The following TXNRD2 variants were observed in gnomAD, a reference collection of about 807,000 sequenced individuals.
TXNRD2 encodes the protein thioredoxin reductase 2.
A neutral mutation model predicts 70.8 loss-of-function variants in TXNRD2; 67 were observed. The observed-to-expected ratio is 0.95, with a 90% CI of 0.78 to 1.16. TXNRD2 has a LOEUF of 1.16. Ranked by LOEUF, TXNRD2 falls within the 50% of genes most tolerant of loss-of-function variation. The pLI is 0.00. For missense variants in TXNRD2, 644 were observed against 719.9 expected, an observed-to-expected ratio of 0.89 and a Z score of 1.21; for synonymous variants, 301 against 295.8, an observed-to-expected ratio of 1.02 and a Z score of -0.18.
At chr22:19,936,912 G>C (rs1445526115) in intron 1 of TXNRD2, among the ~76,000 whole-genome samples, 2 of 152,152 alleles carry the variant, frequency 1.3e-5, no homozygotes, top group Admixed American at 6.5e-5. Context: ...GGCTTATTCG[G>C]TCATGCTGGA....
At chr22:19,898,774 A>G (rs1939637533) in intron 9 of TXNRD2, among the ~76,000 whole-genome samples, 1 of 151,980 alleles carries the variant, frequency 6.6e-6, no homozygotes, top group African/African-American at 2.4e-5. Flanking sequence ...TTCTGAAGCA[A>G]TGGGTCCAGG....
At chr22:19,900,616 G>A (rs948853802) in intron 8 of TXNRD2, among the ~76,000 whole-genome samples, 2 of 152,136 alleles carry the variant, frequency 1.3e-5, no homozygotes, top group African/African-American at 4.8e-5. Context: ...TGAGCATGGC[G>A]ATGTGCGCCT....
At chr22:19,913,945 T>A (rs73880010) in intron 7 of TXNRD2, among the ~76,000 whole-genome samples, 5,215 of 152,170 alleles carry the variant, frequency 0.034, 126 homozygotes, top group South Asian at 0.086. Context: ...GCCACATACA[T>A]CAAAGAATAA....
intron 14 of TXNRD2, among the ~76,000 whole-genome samples, chr22:19,879,390 C>T (rs757673980): frequency 5.6e-4 from 86 of 152,298 alleles, no homozygotes; most frequent in Non-Finnish European, 9.4e-4. Flanking sequence ...GCCCGGCAGG[C>T]TTCAGAGCCC....
At chr22:19,883,553 A>G (rs1938885986) in intron 11 of TXNRD2, 92 bp from the exon 12 acceptor site, 12 of 1,582,258 alleles carry the variant, frequency 7.6e-6, no homozygotes, top group Non-Finnish European at 1.0e-5. Flanking sequence ...ATGTCCACTT[A>G]GAGACCGGGT....
At chr22:19,909,839 C>CA (rs1940293672) in intron 8 of TXNRD2, among the ~76,000 whole-genome samples, 2 of 45,334 alleles carry the variant, frequency 4.4e-5, no homozygotes, top group African/African-American at 1.8e-4. Context: ...CCACACACAC[C>CA]CACACCCTTC....
rs1940957147 is a variant in TXNRD2 at position 19,922,586 on chromosome 22, TC to T, written c.173-2988del. Among the ~76,000 whole-genome samples, 3 of 152,240 alleles carry T rather than the reference TC, an allele frequency of 2.0e-5. No homozygotes were observed. In the East Asian group the frequency reaches 5.8e-4, roughly 29 times the overall value. ...CTTACTCCCTACCAAAAGTTCTCTCTCCTTCGACTCCAGGGTGGTTTTATAA... is the reference window on the plus strand; with the variant it reads ...CTTACTCCCTACCAAAAGTTCTCTCTCTTCGACTCCAGGGTGGTTTTATAA... On this transcript the variant is annotated intron_variant, in intron 2 of 17. Transcript: ENST00000400521.
At chr22:19,885,329 C>G (rs531093630) in intron 11 of TXNRD2, among the ~76,000 whole-genome samples, 1 of 152,214 alleles carries the variant, frequency 6.6e-6, no homozygotes, top group Non-Finnish European at 1.5e-5. Context: ...AGCTGCTGGC[C>G]GGTATGCGGG....
Position 19,933,079 on chromosome 22 carries a change from C to T in TXNRD2, c.104-1981G>A, listed in dbSNP as rs1296256849. On this transcript the variant is annotated intron_variant, in intron 1 of 17. Transcript: ENST00000400521. ...GGGAAGCTGCATCCAGGCACTCAGG[C>T]CATGGCCTGCAGCGAGCCTGCCCCA... Among the ~76,000 whole-genome samples, 5 of 152,230 alleles carry T rather than the reference C, an allele frequency of 3.3e-5. No homozygotes were observed. In the East Asian group the frequency reaches 7.7e-4, roughly 23 times the overall value.
chr22:19,910,765 G>A (rs1940369872), intron 8 of TXNRD2, among the ~76,000 whole-genome samples: 1 of 152,034 alleles, frequency 6.6e-6, no homozygotes, highest in South Asian at 2.1e-4. Flanking sequence ...ACAGTACTAT[G>A]CTCGGTTAAT....
At chr22:19,905,773 A>C (rs1037397274) in intron 8 of TXNRD2, among the ~76,000 whole-genome samples, 5 of 152,086 alleles carry the variant, frequency 3.3e-5, no homozygotes, top group African/African-American at 1.2e-4. Flanking sequence ...AGAACTCAGG[A>C]CGCCGAGTGA....
intron 2 of TXNRD2, among the ~76,000 whole-genome samples, chr22:19,928,159 A>T (rs914505638): frequency 6.6e-6 from 1 of 152,112 alleles, no homozygotes; most frequent in Non-Finnish European, 1.5e-5. Flanking sequence ...AAATGCTGCT[A>T]AAAGAAATGA....
intron 2 of TXNRD2, among the ~76,000 whole-genome samples, chr22:19,925,125 T>A (rs1302979171): frequency 9.9e-5 from 15 of 151,430 alleles, no homozygotes; most frequent in Middle Eastern, 3.4e-3. Flanking sequence ...TCTACTAAAA[T>A]CACAAAAAAT....
Position 19,913,342 on chromosome 22 carries a change from T to G in TXNRD2, c.591+1872A>C, listed in dbSNP as rs1037461902. 7.9e-5 allele frequency among the ~76,000 whole-genome samples: 12 copies of G among 152,254 alleles called. No homozygotes were observed. The East Asian group carries it at 1.9e-3, about 24-fold the overall frequency. On this transcript the variant is annotated intron_variant, in intron 7 of 17. Coordinates refer to ENST00000400521, the MANE Select transcript of TXNRD2 (RefSeq NM_006440.5). ...AATGGGAACTCCAGGGTGTTTTAAC[T>G]CACTCTGGTCCCACTCCCACCTCAG...
At position 19,899,793 on chromosome 22, in the gene TXNRD2, G is replaced by A. The variant is rs148594941; in HGVS notation, c.663-725C>T. ...CACGGGCACAAATGTACACACACAC[G>A]CACATACTCGCATGGGTACATTCAT... On this transcript the variant is annotated intron_variant, in intron 8 of 17. Transcript: ENST00000400521. 2.1e-3 allele frequency among the ~76,000 whole-genome samples: 314 copies of A among 152,228 alleles called. 1 individual carries two copies. Among genetic ancestry groups the A allele is most frequent in the African/African-American group, 6.9e-3 (288 of 41,522 alleles).
In TXNRD2 at chr22:19,908,919, C is replaced by T. The variant is rs566421614; in HGVS notation, c.662+2458G>A. On this transcript the variant is annotated intron_variant, in intron 8 of 17. Coordinates refer to ENST00000400521, the MANE Select transcript of TXNRD2 (RefSeq NM_006440.5). Reference sequence around the variant, plus strand: ...GAACTGTATACTTAAAAATGGTTAACGTGGGCTGGGCGTGGTGGCTCACCC... The same window carrying T: ...GAACTGTATACTTAAAAATGGTTAATGTGGGCTGGGCGTGGTGGCTCACCC... Among the ~76,000 whole-genome samples, 14 of 152,220 alleles carry T rather than the reference C, an allele frequency of 9.2e-5. No homozygotes were observed. In the South Asian group the frequency reaches 1.9e-3, roughly 20 times the overall value.
At chr22:19,914,294 T>G (rs1256299878) in intron 7 of TXNRD2, among the ~76,000 whole-genome samples, 1 of 152,246 alleles carries the variant, frequency 6.6e-6, no homozygotes. Context: ...AAAACTTCTT[T>G]GCAGATGTTC....
At chr22:19,909,874 T>TCTCACACACAACCACACACACCCTACTCA (rs1940303805) in intron 8 of TXNRD2, among the ~76,000 whole-genome samples, 1 of 40,586 alleles carries the variant, frequency 2.5e-5, no homozygotes, top group Non-Finnish European at 5.2e-5. Flanking sequence ...CACACACCAC[T>TCTCACACACAACCACACACACCCTACTCA]CACACACACC....
chr22:19,923,395 G>A (rs1274525701), intron 2 of TXNRD2, among the ~76,000 whole-genome samples: 1 of 152,142 alleles, frequency 6.6e-6, no homozygotes, highest in African/African-American at 2.4e-5. Flanking sequence ...GCTCCCAGTA[G>A]GAAGTCTGAG....
Sources: gnomAD v4.1 joint callset for allele counts (sites outside exome capture counted in the v4.1 genomes callset) on GRCh38, gnomAD v4.1.1 for gene constraint, MANE v1.5 for transcripts, NCBI Gene and HGNC (gene_info 2026-07-23, HGNC 2026-07-21) for gene names.